ATP1A3: variants seen among roughly 807,000 people sequenced by gnomAD.
ATP1A3 encodes the protein ATPase Na+/K+ transporting subunit alpha 3.
Under a neutral mutation model 108.8 loss-of-function variants are expected in ATP1A3, and 12 were observed. The ratio of observed to expected loss-of-function variants is 0.11; its 90% confidence interval spans 0.07 to 0.18. The LOEUF (loss-of-function observed/expected upper bound fraction) is 0.18. ATP1A3 is among the 10% of genes least tolerant of loss of function. ATP1A3 has a pLI of 1.00. For missense variants in ATP1A3, 498 were observed against 1,387.7 expected (o/e 0.36, Z 10.19); for synonymous variants, 539 against 564.5 (o/e 0.95, Z 0.64).
Position 41,978,285 on chromosome 19 carries a change from C to T in ATP1A3, c.1672G>A (p.Gly558Ser), listed in dbSNP as rs569257376. Residue 558 changes from glycine to serine, a missense_variant, in exon 13 of 23, where the codon GGC becomes AGC. Physicochemically the swap from Gly to Ser is moderately conservative, Grantham distance 56. Transcript: ENST00000648268. The surrounding 1 kb of genome is among the most constrained non-coding windows in gnomAD (Gnocchi z 8.3). ...YYLPEEQFPK[G>S]FAFDCDDVNF... ...ACGTCATCACAGTCGAAGGCAAAGC[C>T]CTTGGGGAACTGCTCCTCGGGCAGG... The T allele has an allele frequency of 1.2e-6, 2 of 1,611,580 alleles. No individual in the cohort carries two copies. Among genetic ancestry groups the T allele is most frequent in the African/African-American group, 1.3e-5 (1 of 75,036 alleles).
chr19:41,990,365 CTCTG>C (rs1307418472), intron 1 of ATP1A3, among the ~76,000 whole-genome samples: 3 of 151,176 alleles, frequency 2.0e-5, no homozygotes, highest in African/African-American at 7.3e-5. Flanking sequence ...CTCTCCCTCT[CTCTG>C]TCTCTCTCAA....
At position 41,988,736 on chromosome 19, in the gene ATP1A3, T is replaced by C; in HGVS notation, c.7-174A>G. The stretch of plus-strand genomic sequence containing the variant: ...GTCTCCCTGTGTCTCCCGGAGCCTC[T>C]GGGTGACTTCACCTCCCTTCTGCCT... On this transcript the variant is annotated intron_variant, in intron 1 of 22. Transcript: ENST00000648268. The surrounding 1 kb of genome is among the most constrained non-coding windows in gnomAD (Gnocchi z 5.3). 2 of 1,359,180 alleles carry C rather than the reference T, an allele frequency of 1.5e-6. No homozygotes were observed. The highest frequency in any genetic ancestry group is 2.0e-6 in the Non-Finnish European group (2 of 1,014,678). 84.2% of individuals were successfully genotyped at this position (1,359,180 alleles called of 1,614,324 possible).
Position 41,981,694 on chromosome 19 carries a change from C to T in ATP1A3, c.1302+28G>A. The T allele has an allele frequency of 6.2e-7, 1 of 1,614,146 alleles. No individual in the cohort carries two copies. The highest frequency in any genetic ancestry group is 1.1e-5 in the South Asian group (1 of 91,082). ...AGCTGAGGGGAGGACACAGGCAGGG[C>T]CGAGGTGAGGCCAGTAGCTGAACCC... On this transcript the variant is annotated intron_variant, in intron 10 of 22. Transcript: ENST00000648268. This position sits in a 1 kb window ranked among gnomAD's most constrained non-coding sequence, Gnocchi z 5.0.
rs2075063910 is a variant in ATP1A3 at position 41,968,056 on chromosome 19, A to G, written c.2820-293T>C. On this transcript the variant is annotated intron_variant, in intron 20 of 22. Transcript: ENST00000648268. The surrounding 1 kb of genome is among the most constrained non-coding windows in gnomAD (Gnocchi z 5.0). ...GACAGACAGAGAGACAGACACAGGG[A>G]CAGACACAGAGACAGGGACAGAAAC... is the stretch of plus-strand genomic sequence containing the variant. 6.6e-6 allele frequency among the ~76,000 whole-genome samples: 1 copy of G among 151,674 alleles called. No individual in the cohort carries two copies. Among genetic ancestry groups the G allele is most frequent in the African/African-American group, 2.4e-5 (1 of 41,276 alleles).
At chr19:41,989,571 G>C (rs1161331460) in intron 1 of ATP1A3, among the ~76,000 whole-genome samples, 1 of 150,382 alleles carries the variant, frequency 6.6e-6, no homozygotes, top group Non-Finnish European at 1.5e-5. Context: ...CGCCCGTCTC[G>C]GCCTCCCAAA....
chr19:41,985,183 GT>G lies in ATP1A3; in HGVS notation c.727del (p.Thr243ArgfsTer92). On this transcript the variant is annotated frameshift_variant and splice_region_variant, in exon 8 of 23. Coordinates refer to ENST00000648268, the MANE Select transcript of ATP1A3 (RefSeq NM_152296.5). LOFTEE classifies it high-confidence loss of function. The surrounding 1 kb of genome is among the most constrained non-coding windows in gnomAD (Gnocchi z 8.2). ...CGTGGCCACCACCACGCCCCGAGCC[GT>G]GCCTGCAGGCCAGAGGGGTTAGGCT... The part of the protein sequence containing the change: ...TFFSTNCVEG[T>X]ARGVVVATGD... The G allele has an allele frequency of 6.2e-7, 1 of 1,613,470 alleles. No individual in the cohort carries two copies. Among genetic ancestry groups the G allele is most frequent in the Non-Finnish European group, 8.5e-7 (1 of 1,179,610 alleles).
In ATP1A3 at chr19:41,988,176, G is replaced by T. The variant is rs553930094; in HGVS notation, c.154-37C>A. ...AGGACTCACACAGAACCCTCCCTGG[G>T]CAACCCTGGCACCCCAGGCCTTCAC... is the stretch of plus-strand genomic sequence containing the variant. On this transcript the variant is annotated intron_variant, in intron 3 of 22. Transcript: ENST00000648268. This position sits in a 1 kb window ranked among gnomAD's most constrained non-coding sequence, Gnocchi z 5.3. 2 of 1,613,770 alleles carry T rather than the reference G, an allele frequency of 1.2e-6. No homozygotes were observed. Among genetic ancestry groups the T allele is most frequent in the African/African-American group, 2.7e-5 (2 of 74,990 alleles).
Position 41,993,811 on chromosome 19 carries a change from G to A in ATP1A3, c.6+260C>T, listed in dbSNP as rs1286029491. ...CAACTGTGCACATGCAACCGCACAAGGTCAGGCGGAGATGCTGAGGGCTGG... is the reference window on the plus strand; with the variant it reads ...CAACTGTGCACATGCAACCGCACAAAGTCAGGCGGAGATGCTGAGGGCTGG... On this transcript the variant is annotated intron_variant, in intron 1 of 22. Transcript: ENST00000648268. 6.1e-6 allele frequency: 4 copies of A among 653,818 alleles called. No homozygotes were observed. In the East Asian group the frequency reaches 8.6e-5, roughly 14 times the overall value. The allele number at this position is 653,818 out of a possible 1,614,324, so 40.5% of individuals were successfully genotyped here.
In ATP1A3 at chr19:41,966,615, C is replaced by T. The variant is rs1555858553; in HGVS notation, c.*322G>A. 3 of 1,458,176 alleles carry T rather than the reference C, an allele frequency of 2.1e-6. No homozygotes were observed. In the Admixed American group the frequency reaches 6.3e-5, roughly 30 times the overall value. 90.3% of individuals were successfully genotyped at this position (1,458,176 alleles called of 1,614,324 possible). On this transcript the variant is annotated 3_prime_UTR_variant, in exon 23 of 23. Transcript: ENST00000648268. ...CCCCACTGATATATTTGATAATTGT[C>T]CAGAACCAGAGATGGCATCAGCCGG...
chr19:41,981,290 C>T lies in ATP1A3; in HGVS notation c.1437+212G>A, dbSNP rs148845143. On this transcript the variant is annotated intron_variant, in intron 11 of 22. Transcript: ENST00000648268. This position sits in a 1 kb window ranked among gnomAD's most constrained non-coding sequence, Gnocchi z 5.0. ...CTGGTGTTAAAGGTGTGAGCCACCG[C>T]GCCTGGCCTGCAGGAAGATCTTTAC... 4.8e-3 allele frequency among the ~76,000 whole-genome samples: 731 copies of T among 152,158 alleles called. 5 individuals are homozygous for T. Among genetic ancestry groups the T allele is most frequent in the Non-Finnish European group, 6.1e-3 (412 of 68,008 alleles).
At chr19:41,993,896 G>T (rs1398205101) in intron 1 of ATP1A3, 175 bp downstream of exon 1, 2 of 1,222,280 alleles carry the variant, frequency 1.6e-6, no homozygotes, top group Non-Finnish European at 2.3e-6. Flanking sequence ...CAGACCCCCC[G>T]CCGCCCCCTG....
At chr19:41,974,230 CA>C (rs1184390097) in intron 16 of ATP1A3, among the ~76,000 whole-genome samples, 22 of 150,050 alleles carry the variant, frequency 1.5e-4, no homozygotes, top group African/African-American at 4.9e-4. Context: ...GACTCTGTCT[CA>C]AAAAAAAAGA....
Position 41,985,835 on chromosome 19 carries a change from G to A in ATP1A3, c.606+29C>T. The stretch of plus-strand genomic sequence containing the variant: ...GAGCTCCTGGGCAGCCCGAGGGAGG[G>A]TAAAGCCGGGCCCTAGGCCCAGGCC... On this transcript the variant is annotated intron_variant, in intron 6 of 22. Coordinates refer to ENST00000648268, the MANE Select transcript of ATP1A3 (RefSeq NM_152296.5). This position sits in a 1 kb window ranked among gnomAD's most constrained non-coding sequence, Gnocchi z 8.2. 6.2e-7 allele frequency: 1 copy of A among 1,612,626 alleles called. No homozygotes were observed. The highest frequency in any genetic ancestry group is 1.3e-5 in the African/African-American group (1 of 75,000).
intron 16 of ATP1A3, among the ~76,000 whole-genome samples, chr19:41,971,537 G>A (rs546910876): frequency 1.8e-4 from 27 of 152,176 alleles, no homozygotes; most frequent in African/African-American, 6.0e-4. Context: ...AATAAACCAC[G>A]GTACATCCAT....
chr19:41,988,294 T>C lies in ATP1A3; in HGVS notation c.153+24A>G. The C allele has an allele frequency of 6.2e-7, 1 of 1,613,846 alleles. No individual in the cohort carries two copies. Among genetic ancestry groups the C allele is most frequent in the South Asian group, 1.1e-5 (1 of 91,072 alleles). The stretch of plus-strand genomic sequence containing the variant: ...AGCTCCTCCTCCCTAGTTCCCAGGG[T>C]CCCAGCCCACAGCCTGGCCACACCT... On this transcript the variant is annotated intron_variant, in intron 3 of 22. Coordinates refer to ENST00000648268, the MANE Select transcript of ATP1A3 (RefSeq NM_152296.5). The surrounding 1 kb of genome is among the most constrained non-coding windows in gnomAD (Gnocchi z 5.3).
intron 16 of ATP1A3, among the ~76,000 whole-genome samples, chr19:41,975,213 G>A (rs1209225995): frequency 2.6e-5 from 4 of 152,136 alleles, no homozygotes; most frequent in African/African-American, 7.2e-5. Flanking sequence ...CACAATGCCC[G>A]GCTAATTTTT....
chr19:41,978,773 G>A lies in ATP1A3; in HGVS notation c.1463C>T (p.Pro488Leu). 1 of 1,614,028 alleles carries A rather than the reference G, an allele frequency of 6.2e-7. No homozygotes were observed. Among genetic ancestry groups the A allele is most frequent in the Middle Eastern group, 1.6e-4 (1 of 6,062 alleles). Residue 488 changes from proline to leucine, a missense_variant, in exon 12 of 23, where the codon CCC becomes CTC. This residue lies in a region of ATP1A3 where 92 missense variants were observed against 168.7 expected (regional missense o/e 0.55). Transcript: ENST00000648268. This position sits in a 1 kb window ranked among gnomAD's most constrained non-coding sequence, Gnocchi z 8.3. ...YQLSIHETED[P>L]NDNRYLLVMK... is the part of the protein sequence containing the mutation. ...CACCAGCAGGTATCGGTTGTCGTTG[G>A]GGTCCTCGGTCTCATGGATGGAGAG...
Position 41,970,153 on chromosome 19 carries a change from G to A in ATP1A3, c.2542+32C>T, listed in dbSNP as rs782718033. On this transcript the variant is annotated intron_variant, in intron 18 of 22. Coordinates refer to ENST00000648268, the MANE Select transcript of ATP1A3 (RefSeq NM_152296.5). ...GGCACTGCTCTAGGCCCGGCACTGG[G>A]TGGTAAGGAGATGGAGTCCCCGGTG... 5 of 1,614,124 alleles carry A rather than the reference G, an allele frequency of 3.1e-6. No homozygotes were observed. In the African/African-American group the frequency reaches 6.7e-5, roughly 22 times the overall value.
chr19:41,974,648 C>T (rs2075147007), intron 16 of ATP1A3, among the ~76,000 whole-genome samples: 1 of 152,230 alleles, frequency 6.6e-6, no homozygotes, highest in African/African-American at 2.4e-5. Context: ...GAAAATCCAC[C>T]AAGGCATGAA....
Sources: allele counts gnomAD v4.1 joint callset (sites outside exome capture counted in the v4.1 genomes callset), GRCh38; gene constraint gnomAD v4.1.1; regional missense constraint gnomAD v4.1.1; non-coding constraint Gnocchi (gnomAD v3.1); transcripts MANE v1.5; gene names NCBI Gene and HGNC (gene_info 2026-07-23, HGNC 2026-07-21).